The following COL8A1 variants were observed in gnomAD, a reference collection of about 807,000 sequenced individuals.
COL8A1 encodes the protein collagen type VIII alpha 1 chain, also known as collagen alpha-1(VIII) chain.
A neutral mutation model predicts 42.7 loss-of-function variants in COL8A1; 21 were observed. The ratio of observed to expected loss-of-function variants is 0.49; its 90% CI spans 0.35 to 0.71. The LOEUF is 0.71. Among genes scored for constraint, COL8A1 ranks in the 30% least tolerant of loss-of-function variants. The pLI, the probability that COL8A1 is intolerant of heterozygous loss-of-function variation, is 0.01. For synonymous variants in COL8A1, 367 were observed against 369.1 expected (o/e 0.99, Z 0.06); for missense variants, 788 against 962.4 (o/e 0.82, Z 2.40).
chr3:99,736,065 G>C (rs1241586478), intron 1 of COL8A1, among the ~76,000 whole-genome samples: 2 of 151,746 alleles, frequency 1.3e-5, no homozygotes, highest in Non-Finnish European at 2.9e-5. Flanking sequence ...AGTCTTGCTA[G>C]CGGTCTATCA....
intron 1 of COL8A1, chr3:99,691,663 A>G (rs1462839546): frequency 1.4e-5 from 2 of 148,132 alleles, no homozygotes; most frequent in Non-Finnish European, 3.0e-5. Flanking sequence ...ATGGGGCTTC[A>G]TTCTAAGGGA....
At chr3:99,656,575 T>A (rs1220109856) in intron 1 of COL8A1, among the ~76,000 whole-genome samples, 1 of 151,878 alleles carries the variant, frequency 6.6e-6, no homozygotes, top group Non-Finnish European at 1.5e-5. Flanking sequence ...TTAATATAAA[T>A]CTCAATAATA....
chr3:99,730,568 G>A (rs915168435), intron 1 of COL8A1, among the ~76,000 whole-genome samples: 2 of 151,992 alleles, frequency 1.3e-5, no homozygotes, highest in Non-Finnish European at 2.9e-5. Context: ...CATTCTGGAG[G>A]CTTGTATTAA....
chr3:99,725,276 T>G (rs1940273402), intron 1 of COL8A1, among the ~76,000 whole-genome samples: 1 of 152,090 alleles, frequency 6.6e-6, no homozygotes. Context: ...CCCACTGCCA[T>G]AAGAAAGTTC....
intron 1 of COL8A1, among the ~76,000 whole-genome samples, chr3:99,699,102 C>T (rs1033250099): frequency 1.3e-5 from 2 of 152,188 alleles, no homozygotes; most frequent in Non-Finnish European, 2.9e-5. Flanking sequence ...AAAACTTCCT[C>T]TCACCACACC....
intron 1 of COL8A1, among the ~76,000 whole-genome samples, chr3:99,724,856 A>T (rs1940258403): frequency 6.6e-6 from 1 of 152,088 alleles, no homozygotes. Context: ...CTCACTGTGT[A>T]TTGGGGAAAG....
At chr3:99,718,971 G>A (rs189530534) in intron 1 of COL8A1, among the ~76,000 whole-genome samples, 1 of 152,012 alleles carries the variant, frequency 6.6e-6, no homozygotes, top group Admixed American at 6.6e-5. Context: ...TAATAAAAAC[G>A]TTAAGAGTCC....
chr3:99,700,793 TTGTGTTGTGTGCATGCATGTG>T (rs1939514090), intron 1 of COL8A1, among the ~76,000 whole-genome samples: 1 of 152,212 alleles, frequency 6.6e-6, no homozygotes, highest in Admixed American at 6.5e-5. Context: ...ATCCTTTAAG[TTGTGTTGTGTGCATGCATGTG>T]TTTGCATACA....
chr3:99,698,021 G>A (rs143779824), intron 1 of COL8A1, among the ~76,000 whole-genome samples: 1,893 of 151,962 alleles, frequency 0.012, 34 homozygotes, highest in African/African-American at 0.043. Flanking sequence ...CTGTGTCTAT[G>A]TGTTCTCATT....
At chr3:99,750,749 T>G (rs1468065839) in intron 2 of COL8A1, among the ~76,000 whole-genome samples, 2 of 152,230 alleles carry the variant, frequency 1.3e-5, no homozygotes, top group Non-Finnish European at 2.9e-5. Context: ...TTTTCAAGAT[T>G]TTCTTGAGAA....
At chr3:99,737,516 G>C (rs1022730559) in intron 1 of COL8A1, among the ~76,000 whole-genome samples, 1 of 151,972 alleles carries the variant, frequency 6.6e-6, no homozygotes, top group African/African-American at 2.4e-5. Flanking sequence ...GAAATTCTGG[G>C]TTGAAAATTC....
chr3:99,771,190 C>T (rs969314087), intron 2 of COL8A1, among the ~76,000 whole-genome samples: 1 of 151,964 alleles, frequency 6.6e-6, no homozygotes, highest in African/African-American at 2.4e-5. Flanking sequence ...CTGTAAGTCA[C>T]CAAAGGGAGT....
chr3:99,795,054 A>T lies in COL8A1; in HGVS notation c.1153A>T (p.Ile385Leu). ...GEKGPIGAPG[I>L]GGPPGEPGLP... Reference sequence around the variant, plus strand: ...GAAAGGACCAATAGGTGCCCCAGGAATAGGGGGTCCTCCAGGAGAGCCAGG... The same window carrying T: ...GAAAGGACCAATAGGTGCCCCAGGATTAGGGGGTCCTCCAGGAGAGCCAGG... The change falls in exon 4 of 4, where the codon ATA (isoleucine) becomes TTA (leucine). Residue 385 changes from isoleucine to leucine, a missense_variant. Physicochemically the swap from Ile to Leu is conservative, Grantham distance 5. Around this residue, in one of 4 missense-constraint regions of COL8A1, gnomAD observed 421 missense variants for 553.1 expected, o/e 0.76. Transcript: ENST00000652472. The T allele has an allele frequency of 6.2e-7, 1 of 1,609,498 alleles. No homozygotes were observed. The highest frequency in any genetic ancestry group is 1.3e-5 in the African/African-American group (1 of 74,676).
intron 1 of COL8A1, among the ~76,000 whole-genome samples, chr3:99,690,802 T>C (rs912149353): frequency 1.1e-4 from 17 of 152,196 alleles, no homozygotes; most frequent in Non-Finnish European, 2.1e-4. Flanking sequence ...ATTCACGGAA[T>C]TAGCAAACAG....
chr3:99,743,034 A>G (rs1314853396), intron 1 of COL8A1, among the ~76,000 whole-genome samples: 1 of 152,224 alleles, frequency 6.6e-6, no homozygotes, highest in Non-Finnish European at 1.5e-5. Context: ...TAGGTGCTCA[A>G]TAAATATTTA....
At chr3:99,785,333 C>A (rs760673151) in intron 2 of COL8A1, among the ~76,000 whole-genome samples, 2 of 152,118 alleles carry the variant, frequency 1.3e-5, no homozygotes, top group Non-Finnish European at 2.9e-5. Context: ...TGATGAGGAT[C>A]CATCAGTAAA....
intron 1 of COL8A1, among the ~76,000 whole-genome samples, chr3:99,733,771 T>A (rs1299912929): frequency 4.7e-5 from 7 of 150,534 alleles, no homozygotes; most frequent in African/African-American, 7.3e-5. Flanking sequence ...ACCAACAGTG[T>A]AAAAGTGTTC....
At chr3:99,647,458 C>A (rs1245045693) in intron 1 of COL8A1, among the ~76,000 whole-genome samples, 1 of 151,688 alleles carries the variant, frequency 6.6e-6, no homozygotes, top group Non-Finnish European at 1.5e-5. Flanking sequence ...AGCAAGAATG[C>A]CAGAAATATT....
chr3:99,664,591 A>C (rs924891915), intron 1 of COL8A1, among the ~76,000 whole-genome samples: 1 of 152,096 alleles, frequency 6.6e-6, no homozygotes, highest in Non-Finnish European at 1.5e-5. Flanking sequence ...TCCTCCTCCC[A>C]GCTCAGTGCC....
Sources: allele counts gnomAD v4.1 joint callset (sites outside exome capture counted in the v4.1 genomes callset), GRCh38; gene constraint gnomAD v4.1.1; regional missense constraint gnomAD v4.1.1; transcripts MANE v1.5; gene names NCBI Gene and HGNC (gene_info 2026-07-23, HGNC 2026-07-21).